C14orf93: variants seen among roughly 807,000 people sequenced by gnomAD.
The protein encoded by C14orf93 is chromosome 14 open reading frame 93, also known as uncharacterized protein C14orf93.
In C14orf93, 23 loss-of-function variants were observed where a neutral mutation model predicts 44.0. The observed-to-expected ratio is 0.52, with a 90% confidence interval of 0.38 to 0.74. The LOEUF is 0.74. Among genes scored for constraint, C14orf93 ranks in the 30% least tolerant of loss-of-function variants. The pLI is 0.00. For synonymous variants in C14orf93, 253 were observed against 265.7 expected (o/e 0.95, Z 0.46); for missense variants, 579 against 678.9 (o/e 0.85, Z 1.64).
chr14:22,992,213 C>T (rs2045682667), intron 3 of C14orf93, among the ~76,000 whole-genome samples: 1 of 152,092 alleles, frequency 6.6e-6, no homozygotes, highest in African/African-American at 2.4e-5. Flanking sequence ...TGCCTGTAAT[C>T]CCAGTACTTT....
chr14:22,999,115 A>C lies in C14orf93; in HGVS notation c.-92T>G. 1,020 of 1,492,730 alleles carry C rather than the reference A, an allele frequency of 6.8e-4. No individual in the cohort carries two copies. Among genetic ancestry groups the C allele is most frequent in the Non-Finnish European group, 7.9e-4 (888 of 1,122,172 alleles). 92.5% of individuals were successfully genotyped at this position (1,492,730 alleles called of 1,614,324 possible). A position where few individuals can be genotyped will look rare whatever the true frequency, so the allele number is the denominator to read the frequency against. On this transcript the variant is annotated 5_prime_UTR_variant, in exon 2 of 7. The change creates a new upstream start codon in the 5' untranslated region. Transcript: ENST00000299088. ...TTCTCTGGACTCACTTTCCTTTCTC[A>C]ATGAGGATGGTCAGAGGAGCCCAGG...
chr14:22,995,081 G>A (rs899180093), intron 3 of C14orf93, among the ~76,000 whole-genome samples: 1 of 152,192 alleles, frequency 6.6e-6, no homozygotes. Flanking sequence ...TCAGCAGGAT[G>A]TTCTTTGGGC....
intron 3 of C14orf93, among the ~76,000 whole-genome samples, chr14:22,990,403 CCT>C (rs1481584820): frequency 1.3e-5 from 2 of 152,150 alleles, no homozygotes; most frequent in African/African-American, 2.4e-5. Flanking sequence ...TGAACATACC[CCT>C]GATAGCAACG....
At chr14:23,009,720 C>A (rs939447198) in intron 1 of C14orf93, among the ~76,000 whole-genome samples, 3 of 152,100 alleles carry the variant, frequency 2.0e-5, no homozygotes, top group Non-Finnish European at 4.4e-5. Flanking sequence ...CTGCTTCCTT[C>A]GATGTTGCCT....
chr14:23,007,949 T>C (rs1484773007), intron 1 of C14orf93, among the ~76,000 whole-genome samples: 3 of 152,044 alleles, frequency 2.0e-5, no homozygotes, highest in East Asian at 3.9e-4. Flanking sequence ...AGTCAGGAGT[T>C]GGAGACCAGC....
At chr14:22,991,678 C>T (rs2045641757) in intron 3 of C14orf93, among the ~76,000 whole-genome samples, 1 of 151,558 alleles carries the variant, frequency 6.6e-6, no homozygotes, top group African/African-American at 2.4e-5. Context: ...TCAAGCAATT[C>T]TCCTGCCTCA....
At chr14:23,002,871 A>G (rs1161682774) in intron 1 of C14orf93, 1 of 152,154 alleles carries the variant, frequency 6.6e-6, no homozygotes, top group Non-Finnish European at 1.5e-5. Flanking sequence ...CTAATTTTGA[A>G]TAAAATGCAA....
In C14orf93 at chr14:22,998,816, C is replaced by T. The variant is rs139334143; in HGVS notation, c.208G>A (p.Asp70Asn). 444 of 1,614,162 alleles carry T rather than the reference C, an allele frequency of 2.8e-4. 1 individual carries two copies. Among genetic ancestry groups the T allele is most frequent in the Non-Finnish European group, 3.3e-4 (385 of 1,180,040 alleles). The change falls in exon 2 of 7, where the codon GAT (aspartate) becomes AAT (asparagine). Residue 70 changes from aspartate (D) to asparagine (N), a missense_variant. Physicochemically the swap from Asp to Asn is conservative, Grantham distance 23. Coordinates refer to ENST00000299088, the MANE Select transcript of C14orf93 (RefSeq NM_021944.4). ...GCTTCAGCCAAACCCACTGCCTTATCGACCCGCTGGTAGATAACATGCAGG... is the reference window on the plus strand; with the variant it reads ...GCTTCAGCCAAACCCACTGCCTTATTGACCCGCTGGTAGATAACATGCAGG... The part of the protein sequence containing the change: ...QLLHVIYQRV[D>N]KAVGLAEAAL...
chr14:23,001,485 G>C (rs2046292494), intron 1 of C14orf93, among the ~76,000 whole-genome samples: 1 of 152,028 alleles, frequency 6.6e-6, no homozygotes, highest in Non-Finnish European at 1.5e-5. Flanking sequence ...ATTTTTTTGA[G>C]ACGGAGTCTC....
In C14orf93 at chr14:22,988,015, C is replaced by T. The variant is rs755260913; in HGVS notation, c.1085G>A (p.Gly362Glu). 7.5e-6 allele frequency: 12 copies of T among 1,608,716 alleles called. No individual in the cohort carries two copies. Among genetic ancestry groups the T allele is most frequent in the Non-Finnish European group, 1.0e-5 (12 of 1,175,872 alleles). Residue 362 changes from glycine to glutamate, a missense_variant and splice_region_variant, in exon 6 of 7, where the codon GGA becomes GAA. Coordinates refer to ENST00000299088, the MANE Select transcript of C14orf93 (RefSeq NM_021944.4). ...PHNYTDKELK[G>E]ACVAYFLTKR... ...AGTAAGGAAGTAGGCCACACAGGCTCCTGGCGGGGAGGGAAGGAAGGGAGC... is the reference window on the plus strand; with the variant it reads ...AGTAAGGAAGTAGGCCACACAGGCTTCTGGCGGGGAGGGAAGGAAGGGAGC...
chr14:23,003,889 TATATATATA>T (rs1441202861), intron 1 of C14orf93, among the ~76,000 whole-genome samples: 17 of 17,448 alleles, frequency 9.7e-4, no homozygotes, highest in Admixed American at 2.4e-3. Flanking sequence ...TATATATATA[TATATATATA>T]TTTTTTTTTT....
At chr14:22,989,461 G>A (rs770543045) in intron 5 of C14orf93, among the ~76,000 whole-genome samples, 32 of 152,144 alleles carry the variant, frequency 2.1e-4, no homozygotes, top group East Asian at 5.8e-4. Flanking sequence ...CCTCCTCCTC[G>A]TAACACCTTA....
intron 1 of C14orf93, among the ~76,000 whole-genome samples, chr14:23,004,371 T>A (rs908353016): frequency 2.0e-5 from 3 of 150,874 alleles, no homozygotes; most frequent in African/African-American, 7.3e-5. Flanking sequence ...CCACCACACC[T>A]GACTAATGAA....
intron 1 of C14orf93, among the ~76,000 whole-genome samples, chr14:23,008,108 G>A (rs1193168905): frequency 7.3e-6 from 1 of 137,126 alleles, no homozygotes; most frequent in Non-Finnish European, 1.5e-5. Flanking sequence ...AGCCAAGATC[G>A]CACCATTGCC....
intron 1 of C14orf93, chr14:23,000,844 A>C (rs2046256278): frequency 6.6e-6 from 1 of 152,196 alleles, no homozygotes; most frequent in Admixed American, 6.5e-5. Flanking sequence ...TGAGGTACTA[A>C]AACATAAATC....
In C14orf93 at chr14:22,996,006, C is replaced by A. The variant is rs1319124114; in HGVS notation, c.860G>T (p.Cys287Phe). Residue 287 changes from cysteine to phenylalanine, a missense_variant, in exon 3 of 7, where the codon TGC becomes TTC. Transcript: ENST00000299088. The surrounding 1 kb of genome is among the most constrained non-coding windows in gnomAD (Gnocchi z 4.1). ...RHSLGLTVSP[C>F]RTRGSGQKNS... Reference sequence around the variant, plus strand: ...CTTCTGCCCACTTCCTCTGGTCCTGCATGGGGAAACGGTCAGCCCTAGAGA... The same window carrying A: ...CTTCTGCCCACTTCCTCTGGTCCTGAATGGGGAAACGGTCAGCCCTAGAGA... 1.9e-6 allele frequency: 3 copies of A among 1,613,022 alleles called. No individual in the cohort carries two copies. In the South Asian group the frequency reaches 3.3e-5, roughly 18 times the overall value.
chr14:23,006,491 T>A (rs2046623862), intron 1 of C14orf93: 1 of 152,244 alleles, frequency 6.6e-6, no homozygotes, highest in South Asian at 2.1e-4. Flanking sequence ...ATGAGAATTT[T>A]TAGCCCAGTA....
At chr14:23,005,359 G>C in intron 1 of C14orf93, 1 of 152,228 alleles carries the variant, frequency 6.6e-6, no homozygotes, top group East Asian at 1.9e-4. Context: ...ACCATGGCTG[G>C]GCATGGTGGC....
At chr14:23,001,140 T>C (rs2046271023) in intron 1 of C14orf93, 1 of 152,196 alleles carries the variant, frequency 6.6e-6, no homozygotes, top group Admixed American at 6.5e-5. Context: ...CCTTCCTAAA[T>C]AAGGGCCTAC....
Sources: gnomAD v4.1 joint callset for allele counts (sites outside exome capture counted in the v4.1 genomes callset) on GRCh38, gnomAD v4.1.1 for gene constraint, Gnocchi (gnomAD v3.1) non-coding constraint, MANE v1.5 for transcripts, NCBI Gene and HGNC (gene_info 2026-07-23, HGNC 2026-07-21) for gene names.